OTOG: variants seen among roughly 807,000 people sequenced by gnomAD.
OTOG encodes the protein otogelin.
OTOG carries 296 observed loss-of-function variants against 313.8 expected under a neutral mutation model. The observed-to-expected ratio is 0.94, with a 90% CI of 0.86 to 1.04. The LOEUF is 1.04. OTOG is among the 50% of genes least tolerant of loss of function. The pLI is 0.00. For synonymous variants in OTOG, 1,533 were observed against 1,554.9 expected (o/e 0.99, Z 0.33); for missense variants, 3,948 against 3,840.1 (o/e 1.03, Z -0.74).
chr11:17,574,721 A>G lies in OTOG; in HGVS notation c.2295A>G (p.Ala765=). The change falls in exon 20 of 56, where the codon GCA becomes GCG. Residue 765 remains alanine, a splice_region_variant and synonymous_variant. Transcript: ENST00000399397. ...VDFRARLPAC[A]LSCEASKEYS... ...TGCACCACTCCCCCCTCACTGCAGCACTGTCCTGTGAGGCCTCCAAGGAGT... is the reference window on the plus strand; with the variant it reads ...TGCACCACTCCCCCCTCACTGCAGCGCTGTCCTGTGAGGCCTCCAAGGAGT... 6.5e-7 allele frequency: 1 copy of G among 1,550,240 alleles called. No homozygotes were observed. The highest frequency in any genetic ancestry group is 8.7e-7 in the Non-Finnish European group (1 of 1,146,772).
chr11:17,569,341 C>T (rs1852358875), intron 16 of OTOG, 53 bp downstream of exon 16: 1 of 1,544,862 alleles, frequency 6.5e-7, no homozygotes, highest in South Asian at 1.2e-5. Context: ...GTTTGGACCT[C>T]TCTTCCCAGG....
chr11:17,578,204 C>A, intron 22 of OTOG, 169 bp from the exon 23 acceptor site: 2 of 1,370,466 alleles, frequency 1.5e-6, no homozygotes, highest in Non-Finnish European at 1.9e-6. Flanking sequence ...ACACATCTAC[C>A]CCTCCCTCTG....
At chr11:17,559,013 G>C in intron 10 of OTOG, 39 bp from the exon 11 acceptor site, 1 of 1,489,988 alleles carries the variant, frequency 6.7e-7, no homozygotes, top group Non-Finnish European at 9.1e-7. Context: ...GTGGCACTTT[G>C]GGTTTTGTTC....
rs766929865 is a variant in OTOG at position 17,609,888 on chromosome 11, C to G, written c.4588C>G (p.Leu1530Val). Reference sequence around the variant, plus strand: ...GTCTCCAGGCCCCACCCAGACCACCCTGCAGCAGCCACTGGAGCTCACTGC... The same window carrying G: ...GTCTCCAGGCCCCACCCAGACCACCGTGCAGCAGCCACTGGAGCTCACTGC... ...VVSPGPTQTT[L>V]QQPLELTASQ... Residue 1530 changes from leucine to valine, a missense_variant, in exon 36 of 56, where the codon CTG becomes GTG. Physicochemically the swap from Leu to Val is conservative, Grantham distance 32 (BLOSUM62 1). Coordinates refer to ENST00000399397, the MANE Select transcript of OTOG (RefSeq NM_001292063.2). The G allele has an allele frequency of 1.1e-4, 160 of 1,514,564 alleles. No homozygotes were observed. The highest frequency in any genetic ancestry group is 1.4e-4 in the Non-Finnish European group (155 of 1,126,490). The allele number at this position is 1,514,564 out of a possible 1,614,324, so 93.8% of individuals were successfully genotyped here. A position where few individuals can be genotyped will look rare whatever the true frequency, so the allele number is the denominator to read the frequency against.
chr11:17,602,186 G>C, intron 31 of OTOG, 24 bp from the exon 32 acceptor site: 1 of 1,548,554 alleles, frequency 6.5e-7, no homozygotes, highest in Non-Finnish European at 8.7e-7. Context: ...GGGCCAGGTT[G>C]CTGATGGGGC....
chr11:17,591,844 A>G (rs1852948888), intron 25 of OTOG, among the ~76,000 whole-genome samples: 1 of 152,206 alleles, frequency 6.6e-6, no homozygotes, highest in African/African-American at 2.4e-5. Flanking sequence ...TTTTCTGTCT[A>G]TAATAGCAAG....
Position 17,612,718 on chromosome 11 carries a change from G to A in OTOG, c.6391G>A (p.Asp2131Asn), listed in dbSNP as rs1853592625. The stretch of plus-strand genomic sequence containing the variant: ...CATCTACATCCTCAGCCAGAGCCCA[G>A]ATGAAATGCTCACCGTCCATGTACT... Reference protein sequence around the residue: ...EAIYILSQSPDEMLTVHVLDC... With the variant: ...EAIYILSQSPNEMLTVHVLDC... The change falls in exon 38 of 56, where the codon GAT becomes AAT. Residue 2131 changes from aspartate (D) to asparagine (N), a missense_variant. By Grantham distance (23) the Asp-to-Asn change is conservative. Transcript: ENST00000399397. 1.3e-6 allele frequency: 2 copies of A among 1,550,608 alleles called. No individual in the cohort carries two copies. Among genetic ancestry groups the A allele is most frequent in the Non-Finnish European group, 1.7e-6 (2 of 1,146,978 alleles).
intron 39 of OTOG, among the ~76,000 whole-genome samples, chr11:17,622,915 C>A (rs1051717561): frequency 6.6e-6 from 1 of 152,114 alleles, no homozygotes; most frequent in Non-Finnish European, 1.5e-5. Context: ...TTTTGAGGAA[C>A]CTCCAAACTG....
chr11:17,635,216 ACACAGCCTGAT>A (rs767218559), intron 46 of OTOG, 29 bp downstream of exon 46: 1 of 1,510,866 alleles, frequency 6.6e-7, no homozygotes, highest in South Asian at 1.2e-5. Context: ...ACGCCAGCGC[ACACAGCCTGAT>A]CACAGTCCGC....
At chr11:17,571,521 G>A (rs1172586771) in intron 17 of OTOG, among the ~76,000 whole-genome samples, 8 of 152,156 alleles carry the variant, frequency 5.3e-5, no homozygotes, top group Admixed American at 5.2e-4. Context: ...TTGTATGACG[G>A]TTTCCTACTG....
In OTOG at chr11:17,586,624, G is replaced by A. The variant is rs142284789; in HGVS notation, c.2867+43G>A. ...GCAGGCTTTGCTTTTTTGCTGGGAG[G>A]GGGCATGGATATGGGTGCATAATCA... On this transcript the variant is annotated intron_variant, in intron 24 of 55. Transcript: ENST00000399397. The A allele has an allele frequency of 1.2e-4, 137 of 1,104,394 alleles. No individual in the cohort carries two copies. In the East Asian group the frequency reaches 4.2e-3, roughly 34 times the overall value. 68.4% of individuals were successfully genotyped at this position (1,104,394 alleles called of 1,614,324 possible). A position where few individuals can be genotyped will look rare whatever the true frequency, so the allele number is the denominator to read the frequency against.
intron 24 of OTOG, 76 bp downstream of exon 24, chr11:17,586,657 A>G (rs1367783877): frequency 1.5e-6 from 1 of 663,258 alleles, no homozygotes; most frequent in Non-Finnish European, 2.3e-6. Flanking sequence ...TCAAGAGTAT[A>G]GTCTAGCATT....
Position 17,645,686 on chromosome 11 carries a change from T to C in OTOG, c.8541+43T>C, listed in dbSNP as rs1056901755. On this transcript the variant is annotated intron_variant, in intron 55 of 55. Coordinates refer to ENST00000399397, the MANE Select transcript of OTOG (RefSeq NM_001292063.2). ...GGCAGTGGGGCAGCAAAAAATGGGA[T>C]GGAGGGGGTTTGGGGGTGTGAGCAC... 2.6e-6 allele frequency: 4 copies of C among 1,550,496 alleles called. No individual in the cohort carries two copies. The African/African-American group carries it at 4.1e-5, about 16-fold the overall frequency.
At position 17,634,241 on chromosome 11, in the gene OTOG, C is replaced by T. The variant is rs1854204540; in HGVS notation, c.7440C>T (p.Leu2480=). The T allele has an allele frequency of 1.3e-6, 2 of 1,550,380 alleles. No homozygotes were observed. The highest frequency in any genetic ancestry group is 1.4e-5 in the African/African-American group (1 of 73,038). ...TGCGATTCGGGGAGGTGGCCTTGCT[C>T]CTACCCACCAAGGACCCCTGCTGCC... ...SCLRFGEVAL[L]LPTKDPCCLG... is the part of the protein sequence containing the mutation. The change falls in exon 44 of 56, where the codon CTC becomes CTT. Residue 2480 remains leucine (L), a synonymous_variant. Coordinates refer to ENST00000399397, the MANE Select transcript of OTOG (RefSeq NM_001292063.2).
At chr11:17,568,064 T>C (rs537722094) in intron 15 of OTOG, among the ~76,000 whole-genome samples, 165 of 152,058 alleles carry the variant, frequency 1.1e-3, no homozygotes, top group Middle Eastern at 3.4e-3. Flanking sequence ...CCCGCCACCA[T>C]GCCTGGCTAA....
intron 37 of OTOG, 82 bp from the exon 38 acceptor site, chr11:17,612,538 C>A: frequency 6.8e-7 from 1 of 1,467,514 alleles, no homozygotes; most frequent in Non-Finnish European, 9.1e-7. Flanking sequence ...AGGAAAAGGG[C>A]CAGGAACCTG....
intron 47 of OTOG, among the ~76,000 whole-genome samples, chr11:17,637,679 G>T (rs1006790615): frequency 6.6e-6 from 1 of 152,154 alleles, no homozygotes; most frequent in African/African-American, 2.4e-5. Context: ...CCAGATTAGG[G>T]TGATGACCGT....
intron 28 of OTOG, among the ~76,000 whole-genome samples, chr11:17,594,381 C>A (rs1853037642): frequency 6.6e-6 from 1 of 152,186 alleles, no homozygotes; most frequent in Admixed American, 6.5e-5. Context: ...CCACCCTACC[C>A]TGGACCAAGC....
chr11:17,645,294 T>C (rs1848050544), intron 54 of OTOG, among the ~76,000 whole-genome samples: 1 of 152,222 alleles, frequency 6.6e-6, no homozygotes, highest in South Asian at 2.1e-4. Flanking sequence ...CAGATGCTTC[T>C]CTGCCCTAGC....
Sources: gnomAD v4.1 joint callset for allele counts (sites outside exome capture counted in the v4.1 genomes callset) on GRCh38, gnomAD v4.1.1 for gene constraint, MANE v1.5 for transcripts, NCBI Gene and HGNC (gene_info 2026-07-23, HGNC 2026-07-21) for gene names.